Variants in TIMP2 observed in about 807,000 individuals in gnomAD.
The protein encoded by TIMP2 is metalloproteinase inhibitor 2.
In TIMP2, 5 loss-of-function variants were observed where a neutral mutation model predicts 24.3. That is an observed-to-expected ratio of 0.21 (90% confidence interval 0.11 to 0.43). TIMP2 has a LOEUF of 0.43. Ranked by LOEUF, TIMP2 falls within the 20% of genes least tolerant of loss-of-function variation. TIMP2 has a pLI of 1.00. For synonymous variants in TIMP2, 130 were observed against 123.2 expected (o/e 1.06, Z -0.37); for missense variants, 221 against 297.5 (o/e 0.74, Z 1.89).
At chr17:78,919,117 C>T (rs2070288371) in intron 1 of TIMP2, among the ~76,000 whole-genome samples, 1 of 152,278 alleles carries the variant, frequency 6.6e-6, no homozygotes, top group Admixed American at 6.5e-5. Context: ...CGGGCGGCAG[C>T]AGCACCTGGA....
rs191934948 is a variant in TIMP2, at chr17:78,920,920, G to T, written c.130+4039C>A. Among the ~76,000 whole-genome samples, 23 of 152,198 alleles carry T rather than the reference G, an allele frequency of 1.5e-4. No individual in the cohort carries two copies. The East Asian group carries it at 3.7e-3, about 24-fold the overall frequency. ...TTGCTTCTCCCTTACATCCCCGGGG[G>T]CAGAGGCAGCCACTCCATAATTGCT... On this transcript the variant is annotated intron_variant, in intron 1 of 4. Transcript: ENST00000262768. This position sits in a 1 kb window ranked among gnomAD's most constrained non-coding sequence, Gnocchi z 4.5.
intron 2 of TIMP2, among the ~76,000 whole-genome samples, chr17:78,872,034 T>C (rs1732507624): frequency 6.6e-6 from 1 of 151,878 alleles, no homozygotes; most frequent in African/African-American, 2.4e-5. Flanking sequence ...TTTTTTGAGA[T>C]AGGGTCTCAC....
chr17:78,894,559 T>A (rs2069968318), intron 1 of TIMP2, among the ~76,000 whole-genome samples: 1 of 152,078 alleles, frequency 6.6e-6, no homozygotes, highest in Non-Finnish European at 1.5e-5. Context: ...AAAGAATAGT[T>A]TTTTTGTTTT....
intron 1 of TIMP2, among the ~76,000 whole-genome samples, chr17:78,917,834 T>C (rs1181835505): frequency 6.6e-6 from 1 of 152,152 alleles, no homozygotes; most frequent in East Asian, 1.9e-4. Flanking sequence ...GGATCCTGGC[T>C]GCCCAGGGCG....
At chr17:78,887,955 A>C (rs911199727) in intron 1 of TIMP2, among the ~76,000 whole-genome samples, 4 of 152,166 alleles carry the variant, frequency 2.6e-5, no homozygotes, top group Admixed American at 2.6e-4. Flanking sequence ...AGTGAAAATG[A>C]GTAAGAGGCG....
intron 3 of TIMP2, among the ~76,000 whole-genome samples, chr17:78,867,572 G>A (rs538948462): frequency 6.6e-6 from 1 of 150,878 alleles, no homozygotes; most frequent in African/African-American, 2.4e-5. Context: ...ACCTGTGAGA[G>A]TCTCTCTTCC....
chr17:78,878,410 G>C (rs34099527), intron 1 of TIMP2, among the ~76,000 whole-genome samples: 6,467 of 152,252 alleles, frequency 0.042, 199 homozygotes, highest in Non-Finnish European at 0.058. Flanking sequence ...GAACTAATGC[G>C]TGTACAGTTC....
At chr17:78,878,882 T>C (rs1287096812) in intron 1 of TIMP2, among the ~76,000 whole-genome samples, 1 of 152,072 alleles carries the variant, frequency 6.6e-6, no homozygotes, top group Non-Finnish European at 1.5e-5. Flanking sequence ...CTCCCCCACT[T>C]TGCAAAATGA....
At chr17:78,863,727 G>C (rs1211492528) in intron 3 of TIMP2, among the ~76,000 whole-genome samples, 1 of 152,092 alleles carries the variant, frequency 6.6e-6, no homozygotes. Flanking sequence ...AGCTTTTCAT[G>C]CAGTGCTGTG....
At chr17:78,899,971 G>C (rs148101628) in intron 1 of TIMP2, 2 of 152,304 alleles carry the variant, frequency 1.3e-5, no homozygotes, top group African/African-American at 4.8e-5. Context: ...TATAATTAGA[G>C]CTTACCCTTT....
At chr17:78,923,902 G>GC (rs1221142138) in intron 1 of TIMP2, among the ~76,000 whole-genome samples, 1 of 152,120 alleles carries the variant, frequency 6.6e-6, no homozygotes, top group East Asian at 1.9e-4. Context: ...AGGTGAGGGG[G>GC]CCCCCGCCTT....
intron 1 of TIMP2, among the ~76,000 whole-genome samples, chr17:78,884,278 TG>T (rs375704739): frequency 9.2e-5 from 14 of 152,222 alleles, no homozygotes; most frequent in African/African-American, 3.4e-4. Context: ...GCACTGTTGC[TG>T]GGGGGCTGCG....
intron 3 of TIMP2, among the ~76,000 whole-genome samples, chr17:78,868,245 C>A (rs1599147985): frequency 6.6e-6 from 1 of 151,874 alleles, no homozygotes; most frequent in South Asian, 2.1e-4. Flanking sequence ...CTTGTCTCTT[C>A]TTTCTTTTCT....
intron 3 of TIMP2, among the ~76,000 whole-genome samples, chr17:78,868,937 G>C (rs2069643030): frequency 6.6e-6 from 1 of 152,140 alleles, no homozygotes; most frequent in South Asian, 2.1e-4. Context: ...GGCATGTAGA[G>C]GGTGGGGGCC....
chr17:78,874,744 A>ATGTT (rs556052287), intron 1 of TIMP2, among the ~76,000 whole-genome samples: 2 of 138,134 alleles, frequency 1.4e-5, no homozygotes, highest in East Asian at 4.2e-4. Context: ...CGCCCGGTTA[A>ATGTT]TTTTTTTTTT....
At chr17:78,872,471 A>G (rs1243593992) in intron 2 of TIMP2, among the ~76,000 whole-genome samples, 1 of 152,112 alleles carries the variant, frequency 6.6e-6, no homozygotes, top group African/African-American at 2.4e-5. Flanking sequence ...TTTTCTCAGC[A>G]CTCAGGGAGG....
chr17:78,891,304 C>T lies in TIMP2; in HGVS notation c.131-17385G>A. 6.4e-7 allele frequency: 1 copy of T among 1,550,552 alleles called. No homozygotes were observed. Among genetic ancestry groups the T allele is most frequent in the Non-Finnish European group, 8.7e-7 (1 of 1,146,966 alleles). ...GGCTCCTGGGTTCCCCGGCAGGCAG[C>T]ATCTCTGGGTCTGCCATTTTCTTCC... On this transcript the variant is annotated intron_variant, in intron 1 of 4. Transcript: ENST00000262768. This position sits in a 1 kb window ranked among gnomAD's most constrained non-coding sequence, Gnocchi z 4.5.
At chr17:78,889,117 C>A (rs1426097377) in intron 1 of TIMP2, among the ~76,000 whole-genome samples, 1 of 152,244 alleles carries the variant, frequency 6.6e-6, no homozygotes, top group East Asian at 1.9e-4. Context: ...TTCTGAGCAG[C>A]TGCAGTAGAG....
chr17:78,877,843 A>C (rs1303958033), intron 1 of TIMP2, among the ~76,000 whole-genome samples: 5 of 151,832 alleles, frequency 3.3e-5, no homozygotes, highest in Admixed American at 2.6e-4. Context: ...AGCTGGGATT[A>C]CAGGCACGCG....
Sources: allele counts gnomAD v4.1 joint callset (sites outside exome capture counted in the v4.1 genomes callset), GRCh38; gene constraint gnomAD v4.1.1; non-coding constraint Gnocchi (gnomAD v3.1); transcripts MANE v1.5; gene names NCBI Gene and HGNC (gene_info 2026-07-23, HGNC 2026-07-21).